OPALIN: variants seen among roughly 807,000 people sequenced by gnomAD.
OPALIN encodes transmembrane protein 10.
Under a neutral mutation model 17.8 loss-of-function variants are expected in OPALIN, and 15 were observed. The ratio of observed to expected loss-of-function variants is 0.84; its 90% CI spans 0.56 to 1.29. OPALIN has a LOEUF of 1.29. Among genes scored for constraint, OPALIN ranks in the 50% most tolerant of loss-of-function variants. OPALIN has a pLI of 0.00. For synonymous variants in OPALIN, 62 were observed against 63.8 expected, an observed-to-expected ratio of 0.97 and a Z score of 0.14; for missense variants, 170 against 176.0, an observed-to-expected ratio of 0.97 and a Z score of 0.19.
At chr10:96,356,915 T>G in intron 1 of OPALIN, 1 of 985,348 alleles carries the variant, frequency 1.0e-6, no homozygotes, top group Non-Finnish European at 1.2e-6. Flanking sequence ...AGAACCTGAG[T>G]GTCCCGGTGA....
At chr10:96,347,009 CTTG>C (rs759813204) in intron 5 of OPALIN, among the ~76,000 whole-genome samples, 1 of 151,804 alleles carries the variant, frequency 6.6e-6, no homozygotes, top group Admixed American at 6.6e-5. Flanking sequence ...ATCCAGTAAA[CTTG>C]TTAAAATTTC....
chr10:96,349,758 A>AGCCACCAGCAGGGCTGTG lies in OPALIN; in HGVS notation c.123_140dup (p.Thr42_Ala47dup), dbSNP rs757949452. The AGCCACCAGCAGGGCTGTG allele has an allele frequency of 9.4e-5, 151 of 1,614,076 alleles. No homozygotes were observed. The highest frequency in any genetic ancestry group is 1.2e-4 in the Non-Finnish European group (144 of 1,179,950). On this transcript the variant is annotated inframe_insertion, in exon 4 of 6. Transcript: ENST00000371172. ...TTCGGTGAATCAAAGTAAATAGTAA[A>AGCCACCAGCAGGGCTGTG]GCCACCAGCAGGGCTGTGGCCACCA...
At chr10:96,355,531 C>G (rs1336713599) in intron 1 of OPALIN, among the ~76,000 whole-genome samples, 1 of 152,146 alleles carries the variant, frequency 6.6e-6, no homozygotes, top group Non-Finnish European at 1.5e-5. Flanking sequence ...GGTCCTCGAC[C>G]AGGATCAGAT....
In OPALIN at chr10:96,351,562, G is replaced by C. The variant is rs1336417049; in HGVS notation, c.40-152C>G. Reference sequence around the variant, plus strand: ...ACAACTACCAAACAGAACCTAACTTGATTGCTTCCCAGGTAAGAATTGGAA... The same window carrying C: ...ACAACTACCAAACAGAACCTAACTTCATTGCTTCCCAGGTAAGAATTGGAA... On this transcript the variant is annotated intron_variant, in intron 2 of 5. Coordinates refer to ENST00000371172, the MANE Select transcript of OPALIN (RefSeq NM_033207.5). 6 of 481,222 alleles carry C rather than the reference G, an allele frequency of 1.2e-5. No individual in the cohort carries two copies. The East Asian group carries it at 1.8e-4, about 14-fold the overall frequency. 29.8% of individuals were successfully genotyped at this position (481,222 alleles called of 1,614,324 possible). A position where few individuals can be genotyped will look rare whatever the true frequency, so the allele number is the denominator to read the frequency against.
chr10:96,355,362 A>C, intron 1 of OPALIN, 72 bp from the exon 2 acceptor site: 23 of 1,402,656 alleles, frequency 1.6e-5, no homozygotes, highest in Non-Finnish European at 2.0e-5. Context: ...CCTCAAACTC[A>C]CTGACCCTGG....
At chr10:96,358,748 A>G in intron 1 of OPALIN, 146 bp downstream of exon 1, 3 of 870,010 alleles carry the variant, frequency 3.4e-6, no homozygotes, top group East Asian at 2.6e-5. Flanking sequence ...TTAGGTGAGA[A>G]GTTTAAAAAA....
At chr10:96,346,176 G>A (rs947377882) in intron 5 of OPALIN, 59 bp from the exon 6 acceptor site, 15 of 1,487,512 alleles carry the variant, frequency 1.0e-5, no homozygotes, top group Admixed American at 7.0e-5. Context: ...CATACAAGAT[G>A]GACTAACAGC....
chr10:96,352,254 T>C (rs1250983915), intron 2 of OPALIN, among the ~76,000 whole-genome samples: 3 of 152,166 alleles, frequency 2.0e-5, no homozygotes, highest in Non-Finnish European at 1.5e-5. Flanking sequence ...TGTCCAGATC[T>C]GTTATTTATT....
At chr10:96,354,238 C>T (rs538204146) in intron 2 of OPALIN, among the ~76,000 whole-genome samples, 561 of 152,036 alleles carry the variant, frequency 3.7e-3, no homozygotes, top group Non-Finnish European at 5.1e-3. Flanking sequence ...AAACAGAAGA[C>T]GGAGGATCAG....
chr10:96,346,912 C>A (rs1845356376), intron 5 of OPALIN, among the ~76,000 whole-genome samples: 1 of 152,062 alleles, frequency 6.6e-6, no homozygotes, highest in African/African-American at 2.4e-5. Context: ...ATACCAATTA[C>A]CATCACAAAT....
chr10:96,351,235 G>A (rs537902179), intron 3 of OPALIN, 143 bp downstream of exon 3: 15 of 612,664 alleles, frequency 2.4e-5, no homozygotes, highest in African/African-American at 9.8e-5. Flanking sequence ...ACTTTTGAGC[G>A]GAGCTGGTCA....
rs1240413252 is a variant in OPALIN at position 96,358,913 on chromosome 10, G to C, written c.-17C>G. The C allele has an allele frequency of 6.2e-7, 1 of 1,613,872 alleles. No homozygotes were observed. The highest frequency in any genetic ancestry group is 1.3e-5 in the African/African-American group (1 of 74,936). ...ACTCACCATTTCTGACAGTCTCCCAGGAACCTTCTTCGTACACTGCCTTTG... is the reference window on the plus strand; with the variant it reads ...ACTCACCATTTCTGACAGTCTCCCACGAACCTTCTTCGTACACTGCCTTTG... On this transcript the variant is annotated 5_prime_UTR_variant, in exon 1 of 6. Transcript: ENST00000371172.
chr10:96,353,313 A>T, intron 2 of OPALIN: 1 of 1,510,312 alleles, frequency 6.6e-7, no homozygotes, highest in South Asian at 1.2e-5. Context: ...CCTGTTCCAA[A>T]CTTCCCGCAG....
rs567655033 is a variant in OPALIN, at chr10:96,353,591, T to C, written c.39+1664A>G. The stretch of plus-strand genomic sequence containing the variant: ...AGAAATGAGCTGTTAACCAAGAGAG[T>C]ACTCCAAAGGGTGATGACTGGCCAC... On this transcript the variant is annotated intron_variant, in intron 2 of 5. Coordinates refer to ENST00000371172, the MANE Select transcript of OPALIN (RefSeq NM_033207.5). 7.2e-5 allele frequency: 53 copies of C among 737,262 alleles called. No homozygotes were observed. The African/African-American group carries it at 8.4e-4, about 12-fold the overall frequency. The allele number at this position is 737,262 out of a possible 1,614,324, so 45.7% of individuals were successfully genotyped here. A position where few individuals can be genotyped will look rare whatever the true frequency, so the allele number is the denominator to read the frequency against.
At chr10:96,348,236 T>TAG (rs1422974559) in intron 5 of OPALIN, 53 bp downstream of exon 5, 2 of 849,274 alleles carry the variant, frequency 2.4e-6, no homozygotes, top group Non-Finnish European at 3.7e-6. Flanking sequence ...TTCAAACACT[T>TAG]AGCTTGTTTA....
intron 3 of OPALIN, among the ~76,000 whole-genome samples, chr10:96,350,471 C>T (rs1845533682): frequency 6.6e-6 from 1 of 152,146 alleles, no homozygotes; most frequent in African/African-American, 2.4e-5. Flanking sequence ...GCCTTGGCCT[C>T]CCAAAGTGCT....
In OPALIN at chr10:96,349,827, C is replaced by G; in HGVS notation, c.73-1G>C. 8 of 1,611,390 alleles carry G rather than the reference C, an allele frequency of 5.0e-6. No individual in the cohort carries two copies. Among genetic ancestry groups the G allele is most frequent in the Non-Finnish European group, 6.8e-6 (8 of 1,179,164 alleles). Reference sequence around the variant, plus strand: ...CTAATCCAAGAGAGGGCCCACAGTCCTGGCACAGAATGAAAAACACAGGGT... The same window carrying G: ...CTAATCCAAGAGAGGGCCCACAGTCGTGGCACAGAATGAAAAACACAGGGT... On this transcript the variant is annotated splice_acceptor_variant, in intron 3 of 5. Coordinates refer to ENST00000371172, the MANE Select transcript of OPALIN (RefSeq NM_033207.5). LOFTEE classifies it high-confidence loss of function.
intron 1 of OPALIN, among the ~76,000 whole-genome samples, chr10:96,356,506 T>C (rs760934049): frequency 5.3e-5 from 8 of 152,140 alleles, no homozygotes; most frequent in African/African-American, 1.4e-4. Context: ...ATGAGAACAG[T>C]TGGAGCCACA....
In OPALIN at chr10:96,348,363, T is replaced by A; in HGVS notation, c.193-18A>T. ...TCACTTTCCTAAATTGGAAAAAATA[T>A]AATAATAAAAGAAAGAAAGAAGAAG... On this transcript the variant is annotated intron_variant, in intron 4 of 5. Coordinates refer to ENST00000371172, the MANE Select transcript of OPALIN (RefSeq NM_033207.5). 7.8e-7 allele frequency: 1 copy of A among 1,274,734 alleles called. No individual in the cohort carries two copies. Among genetic ancestry groups the A allele is most frequent in the Non-Finnish European group, 1.1e-6 (1 of 883,008 alleles). The allele number at this position is 1,274,734 out of a possible 1,614,324, so 79.0% of individuals were successfully genotyped here.
Sources: allele counts gnomAD v4.1 joint callset (sites outside exome capture counted in the v4.1 genomes callset), GRCh38; gene constraint gnomAD v4.1.1; transcripts MANE v1.5; gene names NCBI Gene and HGNC (gene_info 2026-07-23, HGNC 2026-07-21).